The following DNAH5 variants were observed in gnomAD, a reference collection of about 807,000 sequenced individuals.
The protein encoded by DNAH5 is dynein axonemal heavy chain 5.
DNAH5 carries 372 observed loss-of-function variants against 518.2 expected under a neutral mutation model. That is an observed-to-expected ratio of 0.72 (90% CI 0.66 to 0.78). DNAH5 has a LOEUF of 0.78. Ranked by LOEUF, DNAH5 falls within the 30% of genes least tolerant of loss-of-function variation. The probability of loss-of-function intolerance (pLI) is 0.00; values close to 1 mark genes in which losing one functional copy is unlikely to be tolerated. For missense variants in DNAH5, 5,523 were observed against 5,687.0 expected (o/e 0.97, Z 0.93); for synonymous variants, 2,039 against 2,025.9 (o/e 1.01, Z -0.17).
chr5:13,767,013 A>G (rs1460212268), intron 58 of DNAH5, among the ~76,000 whole-genome samples: 3 of 137,658 alleles, frequency 2.2e-5, no homozygotes. Context: ...CTTCACATAA[A>G]AGTGAATGAT....
intron 65 of DNAH5, among the ~76,000 whole-genome samples, chr5:13,746,000 T>A (rs1296582147): frequency 6.6e-6 from 1 of 152,148 alleles, no homozygotes. Context: ...AGATTGAATC[T>A]TAATACAATT....
chr5:13,805,976 C>T (rs1359341289), intron 47 of DNAH5, among the ~76,000 whole-genome samples: 1 of 152,128 alleles, frequency 6.6e-6, no homozygotes, highest in African/African-American at 2.4e-5. Flanking sequence ...ATCAGAACTA[C>T]ACTGTAGGCC....
chr5:13,832,854 T>G (rs1436850861), intron 35 of DNAH5, among the ~76,000 whole-genome samples: 1 of 152,184 alleles, frequency 6.6e-6, no homozygotes, highest in Non-Finnish European at 1.5e-5. Context: ...ACCAACCCCA[T>G]GACCCCAGGG....
chr5:13,853,476 A>G (rs1006470807), intron 30 of DNAH5, among the ~76,000 whole-genome samples: 1 of 152,144 alleles, frequency 6.6e-6, no homozygotes, highest in Admixed American at 6.5e-5. Context: ...TCCAAAGGAT[A>G]ACAACTCCTC....
At chr5:13,788,988 G>C (rs1281206417) in intron 50 of DNAH5, 74 bp from the exon 51 acceptor site, 1 of 1,333,006 alleles carries the variant, frequency 7.5e-7, no homozygotes, top group Non-Finnish European at 1.1e-6. Flanking sequence ...TGACAGTACT[G>C]TAGAGTATTA....
chr5:13,909,967 C>T (rs1368188053), intron 12 of DNAH5, among the ~76,000 whole-genome samples: 1 of 152,192 alleles, frequency 6.6e-6, no homozygotes, highest in Non-Finnish European at 1.5e-5. Flanking sequence ...TGCTCACCAT[C>T]TATATTCCAC....
chr5:13,718,861 C>G (rs760646026), intron 72 of DNAH5, 21 bp downstream of exon 72: 1 of 1,582,558 alleles, frequency 6.3e-7, no homozygotes, highest in Admixed American at 1.7e-5. Flanking sequence ...CCTGTAGACT[C>G]GCAAGTATTT....
At chr5:13,729,333 G>C (rs1168847829) in intron 69 of DNAH5, 106 bp downstream of exon 69, 2 of 1,469,652 alleles carry the variant, frequency 1.4e-6, no homozygotes, top group African/African-American at 2.8e-5. Context: ...CATTTTAAGA[G>C]TGACAATATT....
In DNAH5 at chr5:13,700,951, G is replaced by A. The variant is rs898517538; in HGVS notation, c.13492-80C>T. The A allele has an allele frequency of 1.1e-5, 16 of 1,415,620 alleles. No homozygotes were observed. In the African/African-American group the frequency reaches 2.3e-4, roughly 20 times the overall value. The allele number at this position is 1,415,620 out of a possible 1,614,324, so 87.7% of individuals were successfully genotyped here. A position where few individuals can be genotyped will look rare whatever the true frequency, so the allele number is the denominator to read the frequency against. ...AGAGCATAACAATAATGAAAGCTTG[G>A]CTCCGAATCACTCTAACTCGAAGGA... On this transcript the variant is annotated intron_variant, in intron 77 of 78. Transcript: ENST00000265104.
intron 12 of DNAH5, 22 bp downstream of exon 12, chr5:13,911,364 G>A: frequency 6.3e-7 from 1 of 1,580,806 alleles, no homozygotes; most frequent in Non-Finnish European, 8.7e-7. Flanking sequence ...ACTGTCAACA[G>A]GAATTTTATT....
intron 65 of DNAH5, among the ~76,000 whole-genome samples, chr5:13,737,700 G>A (rs1003907423): frequency 6.6e-6 from 1 of 152,002 alleles, no homozygotes; most frequent in African/African-American, 2.4e-5. Context: ...AGAGGCGGGT[G>A]GATCATTTGA....
At chr5:13,959,535 G>A (rs930023469) in intron 1 of DNAH5, among the ~76,000 whole-genome samples, 1 of 152,166 alleles carries the variant, frequency 6.6e-6, no homozygotes, top group African/African-American at 2.4e-5. Flanking sequence ...CCAGCGCCCA[G>A]GACAGTGGGG....
rs1017385213 is a variant in DNAH5, at chr5:13,729,351, A to C, written c.11883+88T>G. ...TTTAAGAGTGACAATATTAAGAACT[A>C]TCTCTCTTCCACAAATATTGTACCT... is the stretch of plus-strand genomic sequence containing the variant. On this transcript the variant is annotated intron_variant, in intron 69 of 78. Transcript: ENST00000265104. 7 of 1,541,156 alleles carry C rather than the reference A, an allele frequency of 4.5e-6. No homozygotes were observed. In the African/African-American group the frequency reaches 8.2e-5, roughly 18 times the overall value.
intron 75 of DNAH5, among the ~76,000 whole-genome samples, chr5:13,713,574 A>G (rs1435154513): frequency 1.3e-5 from 2 of 150,428 alleles, no homozygotes; most frequent in African/African-American, 4.9e-5. Context: ...CTATTATCCT[A>G]AGTGAAGTAA....
chr5:13,757,236 T>C (rs1751123987), intron 61 of DNAH5, among the ~76,000 whole-genome samples: 1 of 152,204 alleles, frequency 6.6e-6, no homozygotes, highest in East Asian at 1.9e-4. Context: ...ATGGGATTGC[T>C]GGGTCAATGG....
At chr5:13,853,920 G>A (rs1767242491) in intron 30 of DNAH5, among the ~76,000 whole-genome samples, 1 of 152,128 alleles carries the variant, frequency 6.6e-6, no homozygotes, top group African/African-American at 2.4e-5. Context: ...AAGTGATGGG[G>A]AGAATGGATC....
intron 35 of DNAH5, among the ~76,000 whole-genome samples, chr5:13,837,575 G>A (rs1764566504): frequency 6.6e-6 from 1 of 150,588 alleles, no homozygotes; most frequent in South Asian, 2.1e-4. Flanking sequence ...AAAAAAACAT[G>A]AAATAAGGCC....
chr5:13,750,238 G>T (rs1750027387), intron 65 of DNAH5, among the ~76,000 whole-genome samples: 1 of 152,178 alleles, frequency 6.6e-6, no homozygotes, highest in African/African-American at 2.4e-5. Context: ...CGTAGAAGGT[G>T]CCATAAAGTT....
chr5:13,798,275 C>A (rs1358197623), intron 47 of DNAH5, among the ~76,000 whole-genome samples: 1 of 152,156 alleles, frequency 6.6e-6, no homozygotes, highest in Non-Finnish European at 1.5e-5. Context: ...GAGGAGAGGA[C>A]TCCAGGCTCT....
Sources: gnomAD v4.1 joint callset for allele counts (sites outside exome capture counted in the v4.1 genomes callset) on GRCh38, gnomAD v4.1.1 for gene constraint, MANE v1.5 for transcripts, NCBI Gene and HGNC (gene_info 2026-07-23, HGNC 2026-07-21) for gene names.